Variants in ZNF717 observed in about 807,000 individuals in gnomAD.
ZNF717 encodes krueppel-like factor X17.
A neutral mutation model predicts 13.8 loss-of-function variants in ZNF717; 9 were observed. That is an observed-to-expected ratio of 0.65 (90% CI 0.39 to 1.14). The LOEUF is 1.14. Ranked by LOEUF, ZNF717 falls within the 50% of genes most tolerant of loss-of-function variation. The pLI is 0.01. For synonymous variants in ZNF717, 327 were observed against 364.1 expected (o/e 0.90, Z 1.16); for missense variants, 1,040 against 1,080.7 (o/e 0.96, Z 0.53).
At chr3:75,720,911 T>C (rs1166907361) in intron 4 of ZNF717, among the ~76,000 whole-genome samples, 1 of 152,208 alleles carries the variant, frequency 6.6e-6, no homozygotes, top group Non-Finnish European at 1.5e-5. Context: ...ACCAGTCTTA[T>C]TTTTCTAAAT....
intron 4 of ZNF717, among the ~76,000 whole-genome samples, chr3:75,722,191 T>C (rs1938182068): frequency 6.6e-6 from 1 of 151,530 alleles, no homozygotes; most frequent in Non-Finnish European, 1.5e-5. Flanking sequence ...ACCAAGGAGG[T>C]GGAGGTCGCA....
intron 2 of ZNF717, among the ~76,000 whole-genome samples, chr3:75,744,456 A>C (rs1250613544): frequency 6.6e-6 from 1 of 152,272 alleles, no homozygotes. Flanking sequence ...GACACAGGGC[A>C]AACCACTGCC....
At chr3:75,726,673 G>A (rs1163236826), downstream of ZNF717, among the ~76,000 whole-genome samples, 23 of 152,382 alleles carry the variant, frequency 1.5e-4, no homozygotes, top group East Asian at 3.9e-4. Context: ...CCTGGGCCTT[G>A]ATGAGAGAGA....
At chr3:75,748,325 C>T (rs1941366486) in intron 2 of ZNF717, among the ~76,000 whole-genome samples, 1 of 152,124 alleles carries the variant, frequency 6.6e-6, no homozygotes, top group Non-Finnish European at 1.5e-5. Flanking sequence ...GGGAATCCTC[C>T]CTAACTCATT....
chr3:75,745,450 C>T (rs1186448319), intron 2 of ZNF717, among the ~76,000 whole-genome samples: 5 of 152,112 alleles, frequency 3.3e-5, no homozygotes, highest in African/African-American at 4.8e-5. Context: ...TTAACAAATA[C>T]ATCAATTCGC....
rs543125250 is a variant in ZNF717 at position 75,763,906 on chromosome 3, T to C, written c.57+19400A>G. 4.6e-5 allele frequency among the ~76,000 whole-genome samples: 7 copies of C among 151,810 alleles called. No individual in the cohort carries two copies. The East Asian group carries it at 9.7e-4, about 21-fold the overall frequency. ...TTTGAAGAGGAAGAAAAACCATTAA[T>C]GGTCTAAAGCAACAGCCTAGTGCCT... On this transcript the variant is annotated intron_variant, in intron 2 of 4. Transcript: ENST00000652011.
chr3:75,772,782 A>T (rs1019552086), intron 2 of ZNF717, among the ~76,000 whole-genome samples: 8 of 152,248 alleles, frequency 5.3e-5, no homozygotes, highest in African/African-American at 1.9e-4. Flanking sequence ...GCCTGAGCAA[A>T]ACACAGGTAA....
At chr3:75,732,223 G>C, downstream of ZNF717, 1 of 687,234 alleles carries the variant, frequency 1.5e-6, no homozygotes, top group Non-Finnish European at 2.6e-6. Flanking sequence ...AGCCTAACCT[G>C]CTCTCATATA....
At chr3:75,701,228 A>G (rs1209254748) in intron 6 of ZNF717, among the ~76,000 whole-genome samples, 1 of 152,306 alleles carries the variant, frequency 6.6e-6, no homozygotes, top group African/African-American at 2.4e-5. Flanking sequence ...TGGTTTTATA[A>G]GGGACTCTTC....
chr3:75,726,044 C>T (rs1272208395), downstream of ZNF717, among the ~76,000 whole-genome samples: 13 of 152,194 alleles, frequency 8.5e-5, no homozygotes, highest in South Asian at 2.1e-4. Context: ...TGTGTTCTTA[C>T]GCTAGACTCA....
downstream of ZNF717, among the ~76,000 whole-genome samples, chr3:75,725,440 T>C (rs1164731141): frequency 5.3e-5 from 8 of 152,376 alleles, no homozygotes; most frequent in African/African-American, 1.9e-4. Context: ...ACAAAATCTT[T>C]CAATTTTCCT....
intron 4 of ZNF717, among the ~76,000 whole-genome samples, chr3:75,723,100 T>C (rs1380095127): frequency 2.3e-4 from 35 of 152,204 alleles, no homozygotes; most frequent in Non-Finnish European, 3.8e-4. Flanking sequence ...AATTCAGTAA[T>C]ATTGCCCTTG....
chr3:75,714,136 T>C (rs1287858292), intron 5 of ZNF717, among the ~76,000 whole-genome samples: 1 of 152,076 alleles, frequency 6.6e-6, no homozygotes, highest in East Asian at 1.9e-4. Flanking sequence ...CACAGGGAGA[T>C]GGTCAGGCCT....
At chr3:75,741,956 T>C in intron 2 of ZNF717, 1 of 564,686 alleles carries the variant, frequency 1.8e-6, no homozygotes, top group Non-Finnish European at 3.1e-6. Context: ...CTTTGGTGTG[T>C]CCATGTGTCT....
At chr3:75,783,124 C>T (rs1307159586) in intron 2 of ZNF717, among the ~76,000 whole-genome samples, 182 bp downstream of exon 2, 2 of 152,222 alleles carry the variant, frequency 1.3e-5, no homozygotes, top group Non-Finnish European at 2.9e-5. Flanking sequence ...AATTTGCACT[C>T]AACTTAGACA....
intron 6 of ZNF717, among the ~76,000 whole-genome samples, chr3:75,699,526 G>T (rs1468201945): frequency 6.6e-6 from 1 of 152,420 alleles, no homozygotes; most frequent in African/African-American, 2.4e-5. Context: ...CATGAGAGTT[G>T]GTTATCTACA....
chr3:75,735,595 T>C (rs1360166944), downstream of ZNF717, among the ~76,000 whole-genome samples: 91 of 97,846 alleles, frequency 9.3e-4, no homozygotes, highest in Admixed American at 1.8e-3. Flanking sequence ...CAGGGAGCCA[T>C]GATCACACCA....
intron 2 of ZNF717, among the ~76,000 whole-genome samples, chr3:75,778,589 GAC>G (rs1431490028): frequency 3.6e-4 from 53 of 148,422 alleles, no homozygotes; most frequent in African/African-American, 1.3e-3. Context: ...CAATGGGAGT[GAC>G]CTGCCAAAAC....
intron 2 of ZNF717, among the ~76,000 whole-genome samples, chr3:75,762,677 A>C (rs549417396): frequency 6.6e-6 from 1 of 152,188 alleles, no homozygotes; most frequent in Non-Finnish European, 1.5e-5. Context: ...AAGGATTCCA[A>C]TGACATTTTT....
Sources: allele counts gnomAD v4.1 joint callset (sites outside exome capture counted in the v4.1 genomes callset), GRCh38; gene constraint gnomAD v4.1.1; transcripts MANE v1.5; gene names NCBI Gene and HGNC (gene_info 2026-07-23, HGNC 2026-07-21).